BTBD7: variants seen among roughly 807,000 people sequenced by gnomAD.
The protein encoded by BTBD7 is BTB domain containing 7.
In BTBD7, 38 loss-of-function variants were observed where a neutral mutation model predicts 99.9. The observed-to-expected ratio is 0.38, with a 90% CI of 0.29 to 0.50. The LOEUF (loss-of-function observed/expected upper bound fraction) is 0.50, where lower values mean the gene tolerates loss of function less well. BTBD7 is among the 20% of genes least tolerant of loss of function. The pLI, the probability that BTBD7 is intolerant of heterozygous loss-of-function variation, is 0.93. For synonymous variants in BTBD7, 520 were observed against 511.4 expected (o/e 1.02, Z -0.23); for missense variants, 1,170 against 1,394.6 (o/e 0.84, Z 2.57).
intron 1 of BTBD7, among the ~76,000 whole-genome samples, chr14:93,327,650 T>C (rs994565585): frequency 6.6e-6 from 1 of 152,102 alleles, no homozygotes; most frequent in Non-Finnish European, 1.5e-5. Context: ...AGGTCTTATA[T>C]AAAAAACTCA....
At chr14:93,266,245 G>A (rs780477562) in intron 3 of BTBD7, among the ~76,000 whole-genome samples, 3 of 151,928 alleles carry the variant, frequency 2.0e-5, no homozygotes, top group South Asian at 4.2e-4. Flanking sequence ...TTTCAGGTAC[G>A]AGCATTGAGC....
At chr14:93,270,343 G>A (rs2052588331) in intron 3 of BTBD7, among the ~76,000 whole-genome samples, 1 of 152,070 alleles carries the variant, frequency 6.6e-6, no homozygotes, top group African/African-American at 2.4e-5. Context: ...TGATCCACCC[G>A]CCTCAGCCTC....
Position 93,239,418 on chromosome 14 carries a change from A to G in BTBD7, c.*2855T>C, listed in dbSNP as rs1297207958. On this transcript the variant is annotated 3_prime_UTR_variant, in exon 11 of 11. Transcript: ENST00000334746. ...TATACCAAGTAAAATGCCAGTTCCC[A>G]TGGCCTAAATTTTATTTTATATATA... The G allele has an allele frequency of 6.6e-6, 1 of 150,582 alleles. No individual in the cohort carries two copies. Among genetic ancestry groups the G allele is most frequent in the East Asian group, 1.9e-4 (1 of 5,170 alleles). The allele number at this position is 150,582 out of a possible 1,614,324, so 9.3% of individuals were successfully genotyped here.
At chr14:93,272,032 C>T (rs190130718) in intron 3 of BTBD7, among the ~76,000 whole-genome samples, 3 of 151,346 alleles carry the variant, frequency 2.0e-5, no homozygotes, top group Non-Finnish European at 4.4e-5. Flanking sequence ...AAAACTACAT[C>T]CTGTGGGCGG....
At chr14:93,281,979 A>T (rs947943844) in intron 3 of BTBD7, among the ~76,000 whole-genome samples, 1 of 152,258 alleles carries the variant, frequency 6.6e-6, no homozygotes, top group Non-Finnish European at 1.5e-5. Context: ...AGTATACATG[A>T]AGCTTGATCA....
At chr14:93,319,064 A>G (rs2053240036) in intron 1 of BTBD7, among the ~76,000 whole-genome samples, 1 of 152,206 alleles carries the variant, frequency 6.6e-6, no homozygotes. Flanking sequence ...AAAATTCGCC[A>G]AGTGTGATAG....
intron 1 of BTBD7, among the ~76,000 whole-genome samples, chr14:93,331,106 A>C (rs948920314): frequency 6.7e-6 from 1 of 150,236 alleles, no homozygotes; most frequent in Non-Finnish European, 1.5e-5. Context: ...CAGGTTAGGA[A>C]AAAAAAAAAA....
chr14:93,292,092 C>G (rs2139763619), intron 3 of BTBD7, among the ~76,000 whole-genome samples: 1 of 152,256 alleles, frequency 6.6e-6, no homozygotes, highest in African/African-American at 2.4e-5. Context: ...GAGGCTGAGG[C>G]AGGAGAATCA....
At chr14:93,311,256 CT>C (rs1422895059) in intron 1 of BTBD7, among the ~76,000 whole-genome samples, 2 of 152,120 alleles carry the variant, frequency 1.3e-5, no homozygotes, top group East Asian at 3.8e-4. Context: ...TTCCTGAGAC[CT>C]TATGACATAA....
chr14:93,277,121 T>C (rs910458951), intron 3 of BTBD7, among the ~76,000 whole-genome samples: 3 of 152,004 alleles, frequency 2.0e-5, no homozygotes, highest in African/African-American at 4.8e-5. Flanking sequence ...AGGCTGGTCC[T>C]GAAATCCCGA....
At chr14:93,282,227 T>A (rs2052728326) in intron 3 of BTBD7, among the ~76,000 whole-genome samples, 2 of 152,208 alleles carry the variant, frequency 1.3e-5, no homozygotes, top group South Asian at 4.1e-4. Context: ...CTATCTTAAT[T>A]CTTGGAATAG....
chr14:93,321,410 T>C (rs1010927015), intron 1 of BTBD7, among the ~76,000 whole-genome samples: 5 of 152,238 alleles, frequency 3.3e-5, no homozygotes, highest in Admixed American at 2.0e-4. Flanking sequence ...CTGGCCAACA[T>C]GGTGAAACCC....
intron 7 of BTBD7, among the ~76,000 whole-genome samples, chr14:93,253,052 A>G (rs2052386797): frequency 6.6e-6 from 1 of 152,160 alleles, no homozygotes; most frequent in South Asian, 2.1e-4. Flanking sequence ...TGGACCCCGG[A>G]AAGTTCTTAT....
intron 1 of BTBD7, among the ~76,000 whole-genome samples, chr14:93,308,461 A>G (rs911493527): frequency 6.6e-6 from 1 of 152,172 alleles, no homozygotes; most frequent in African/African-American, 2.4e-5. Flanking sequence ...TGCTTCCTCA[A>G]TAATTAAACA....
At chr14:93,310,770 C>CTCT (rs2053127926) in intron 1 of BTBD7, among the ~76,000 whole-genome samples, 3 of 116,670 alleles carry the variant, frequency 2.6e-5, no homozygotes, top group East Asian at 4.7e-4. Flanking sequence ...AACCAAAAAA[C>CTCT]TTTTTTTTTT....
Position 93,238,959 on chromosome 14 carries a change from G to C in BTBD7, c.*3314C>G, listed in dbSNP as rs2052190832. ...GGCTTCATAAAGAATTCTATAAGAAGATTTAAATGTCAAGAATTCACTGAA... is the reference window on the plus strand; with the variant it reads ...GGCTTCATAAAGAATTCTATAAGAACATTTAAATGTCAAGAATTCACTGAA... On this transcript the variant is annotated 3_prime_UTR_variant, in exon 11 of 11. Coordinates refer to ENST00000334746, the MANE Select transcript of BTBD7 (RefSeq NM_001002860.4). The C allele has an allele frequency of 6.6e-6, 1 of 152,214 alleles. No individual in the cohort carries two copies. The highest frequency in any genetic ancestry group is 2.1e-4 in the South Asian group (1 of 4,836). 9.4% of individuals were successfully genotyped at this position (152,214 alleles called of 1,614,324 possible).
At chr14:93,290,532 T>C (rs1236141987) in intron 3 of BTBD7, among the ~76,000 whole-genome samples, 1 of 148,220 alleles carries the variant, frequency 6.7e-6, no homozygotes, top group African/African-American at 2.5e-5. Flanking sequence ...TTTTTTTTTT[T>C]TTTAAGACAA....
At position 93,239,514 on chromosome 14, in the gene BTBD7, A is replaced by G. The variant is rs761291093; in HGVS notation, c.*2759T>C. ...ACATTTATCTTAGTACAGCATTAAA[A>G]AAGATTTAATAGATGGGTTCAAAAG... On this transcript the variant is annotated 3_prime_UTR_variant, in exon 11 of 11. Coordinates refer to ENST00000334746, the MANE Select transcript of BTBD7 (RefSeq NM_001002860.4). The G allele has an allele frequency of 2.2e-4, 33 of 152,352 alleles. No homozygotes were observed. The highest frequency in any genetic ancestry group is 7.5e-4 in the African/African-American group (31 of 41,346). The allele number at this position is 152,352 out of a possible 1,614,324, so 9.4% of individuals were successfully genotyped here. A position where few individuals can be genotyped will look rare whatever the true frequency, so the allele number is the denominator to read the frequency against.
At chr14:93,287,711 C>G (rs1326783621) in intron 3 of BTBD7, 1 of 152,158 alleles carries the variant, frequency 6.6e-6, no homozygotes, top group Non-Finnish European at 1.5e-5. Flanking sequence ...GAGACTTTCA[C>G]CCTCCCGGTC....
Sources: allele counts gnomAD v4.1 joint callset (sites outside exome capture counted in the v4.1 genomes callset), GRCh38; gene constraint gnomAD v4.1.1; transcripts MANE v1.5; gene names NCBI Gene and HGNC (gene_info 2026-07-23, HGNC 2026-07-21).